LBH: variants seen among roughly 807,000 people sequenced by gnomAD.
The protein encoded by LBH is protein LBH.
In LBH, 7 loss-of-function variants were observed where a neutral mutation model predicts 12.5. The ratio of observed to expected loss-of-function variants is 0.56; its 90% confidence interval spans 0.32 to 1.05. The LOEUF (loss-of-function observed/expected upper bound fraction) is 1.05, where lower values mean the gene tolerates loss of function less well. Ranked by LOEUF, LBH falls within the 50% of genes least tolerant of loss-of-function variation. The pLI is 0.04. For missense variants in LBH, 119 were observed against 138.9 expected (o/e 0.86, Z 0.72); for synonymous variants, 51 against 50.1 (o/e 1.02, Z -0.08).
At chr2:30,238,998 T>C (rs1677738432) in intron 2 of LBH, among the ~76,000 whole-genome samples, 1 of 151,134 alleles carries the variant, frequency 6.6e-6, no homozygotes, top group African/African-American at 2.4e-5. Flanking sequence ...CAAGCGATTC[T>C]CCTGCTTCAG....
chr2:30,253,914 CAT>C (rs1467697200), intron 2 of LBH, among the ~76,000 whole-genome samples: 30 of 152,258 alleles, frequency 2.0e-4, no homozygotes, highest in Non-Finnish European at 2.2e-4. Context: ...TGGTCAAGGA[CAT>C]AGTGAGCACC....
In LBH at chr2:30,235,969, T is replaced by C. The variant is rs115545410; in HGVS notation, c.129+1462T>C. 4.9e-3 allele frequency among the ~76,000 whole-genome samples: 752 copies of C among 152,202 alleles called. 10 individuals carry two copies. The highest frequency in any genetic ancestry group is 0.017 in the African/African-American group (709 of 41,522). On this transcript the variant is annotated intron_variant, in intron 2 of 2. Transcript: ENST00000395323. ...CCCAGAGTGGGTCTGAGGAAGACAA[T>C]TGAGGGCCCCTCAACCTGGTGGGAG...
intron 1 of LBH, chr2:30,232,317 A>C (rs1458026473): frequency 1.4e-6 from 2 of 1,382,944 alleles, no homozygotes; most frequent in Non-Finnish European, 1.9e-6. Context: ...GCAGCCTCTC[A>C]ACCCCTGCCC....
At chr2:30,238,599 CAG>C (rs1293651869) in intron 2 of LBH, among the ~76,000 whole-genome samples, 2 of 152,228 alleles carry the variant, frequency 1.3e-5, no homozygotes, top group African/African-American at 2.4e-5. Flanking sequence ...CTTTGATAAA[CAG>C]AGCTGAGAGC....
chr2:30,243,525 CTTTTTT>C (rs886828942), intron 2 of LBH, among the ~76,000 whole-genome samples: 18,687 of 109,812 alleles, frequency 0.17, 1,486 homozygotes, highest in Admixed American at 0.27. Flanking sequence ...GGGCTGGACT[CTTTTTT>C]TTTTTTTTTT....
chr2:30,250,506 T>TGA (rs1412862061), intron 2 of LBH, among the ~76,000 whole-genome samples: 18 of 151,728 alleles, frequency 1.2e-4, no homozygotes, highest in African/African-American at 4.1e-4. Flanking sequence ...AGATGATGGC[T>TGA]GAGAGATGCA....
intron 2 of LBH, among the ~76,000 whole-genome samples, chr2:30,244,156 CACAT>C (rs1677836452): frequency 6.6e-6 from 1 of 152,174 alleles, no homozygotes; most frequent in South Asian, 2.1e-4. Flanking sequence ...ACAAGGCTGA[CACAT>C]ACCAGCTTAC....
Position 30,234,493 on chromosome 2 carries a change from G to A in LBH, c.115G>A (p.Gly39Ser), listed in dbSNP as rs1337850413. Residue 39 changes from glycine to serine, a missense_variant, in exon 2 of 3, where the codon GGC becomes AGC. Transcript: ENST00000395323. Reference sequence around the variant, plus strand: ...GATCGGCCTCAGCCCCCGCAAGGATGGCCTTTCCTACCAGGTGAGTAAGTC... The same window carrying A: ...GATCGGCCTCAGCCCCCGCAAGGATAGCCTTTCCTACCAGGTGAGTAAGTC... ...EEIGLSPRKD[G>S]LSYQIFPDPS... 1 of 1,613,412 alleles carries A rather than the reference G, an allele frequency of 6.2e-7. No homozygotes were observed.
chr2:30,243,902 A>T (rs1677829863), intron 2 of LBH, among the ~76,000 whole-genome samples: 1 of 152,254 alleles, frequency 6.6e-6, no homozygotes, highest in South Asian at 2.1e-4. Flanking sequence ...CACGTACCCA[A>T]CAACTCTCCA....
intron 1 of LBH, chr2:30,232,225 C>A: frequency 1.4e-6 from 2 of 1,474,954 alleles, no homozygotes; most frequent in Non-Finnish European, 1.8e-6. Flanking sequence ...GCAGGGTTTG[C>A]AGAGCTCCGG....
intron 2 of LBH, among the ~76,000 whole-genome samples, chr2:30,250,847 G>A (rs917368952): frequency 6.6e-6 from 1 of 151,830 alleles, no homozygotes; most frequent in African/African-American, 2.4e-5. Flanking sequence ...TCAAACAAAC[G>A]CCCTGGGATT....
At chr2:30,232,113 A>C (rs1440065003) in intron 1 of LBH, 4 of 1,542,488 alleles carry the variant, frequency 2.6e-6, no homozygotes, top group Admixed American at 2.0e-5. Flanking sequence ...CACTTGGCGC[A>C]GGGGGGCTCC....
chr2:30,235,944 C>T (rs981272170), intron 2 of LBH, among the ~76,000 whole-genome samples: 7 of 152,152 alleles, frequency 4.6e-5, no homozygotes, highest in African/African-American at 1.7e-4. Flanking sequence ...ACCCTCCTCC[C>T]CCAGAGTGGG....
chr2:30,233,578 G>A (rs1488341215), intron 1 of LBH, among the ~76,000 whole-genome samples: 1 of 152,368 alleles, frequency 6.6e-6, no homozygotes, highest in East Asian at 1.9e-4. Context: ...AGCATTATGT[G>A]CACGGGATCC....
At chr2:30,238,736 G>T (rs1231052442) in intron 2 of LBH, among the ~76,000 whole-genome samples, 1 of 152,178 alleles carries the variant, frequency 6.6e-6, no homozygotes, top group Admixed American at 6.5e-5. Flanking sequence ...GCCTCGTGCA[G>T]TTGGAGAGCC....
chr2:30,237,950 T>C (rs1263938242), intron 2 of LBH, among the ~76,000 whole-genome samples: 2 of 152,182 alleles, frequency 1.3e-5, no homozygotes, highest in African/African-American at 4.8e-5. Context: ...CAGCAGGATG[T>C]TGATGTCCCT....
intron 1 of LBH, chr2:30,233,028 C>G (rs1298311447): frequency 6.6e-6 from 1 of 152,304 alleles, no homozygotes; most frequent in Non-Finnish European, 1.5e-5. Flanking sequence ...GTGGGTGCCC[C>G]TCCCTTGCCT....
intron 2 of LBH, among the ~76,000 whole-genome samples, chr2:30,241,118 T>C (rs1209261819): frequency 6.6e-6 from 1 of 152,196 alleles, no homozygotes; most frequent in Non-Finnish European, 1.5e-5. Context: ...TTTCCCAAAT[T>C]CCTAAACATT....
chr2:30,242,134 C>G (rs145552254), intron 2 of LBH, among the ~76,000 whole-genome samples: 1 of 151,916 alleles, frequency 6.6e-6, no homozygotes, highest in East Asian at 1.9e-4. Context: ...TTTGTGCATA[C>G]TTTATACTGT....
Sources: allele counts gnomAD v4.1 joint callset (sites outside exome capture counted in the v4.1 genomes callset), GRCh38; gene constraint gnomAD v4.1.1; transcripts MANE v1.5; gene names NCBI Gene and HGNC (gene_info 2026-07-23, HGNC 2026-07-21).